The following PLD1 variants were observed in gnomAD, a reference collection of about 807,000 sequenced individuals.
PLD1 encodes the protein choline phosphatase 1.
PLD1 carries 112 observed loss-of-function variants against 137.1 expected under a neutral mutation model. That is an observed-to-expected ratio of 0.82 (90% CI 0.70 to 0.96). PLD1 has a LOEUF of 0.96. PLD1 is among the 40% of genes least tolerant of loss of function. The pLI is 0.00. For missense variants in PLD1, 1,321 were observed against 1,342.0 expected, an observed-to-expected ratio of 0.98 and a Z score of 0.24; for synonymous variants, 431 against 454.7, an observed-to-expected ratio of 0.95 and a Z score of 0.66.
intron 3 of PLD1, among the ~76,000 whole-genome samples, chr3:171,736,931 G>A (rs551391653): frequency 6.6e-6 from 1 of 152,338 alleles, no homozygotes; most frequent in African/African-American, 2.4e-5. Context: ...GATTGTTGAA[G>A]ACATTTTACT....
rs191988004 is a variant in PLD1 at position 171,699,842 on chromosome 3, C to T, written c.1146-16G>A. 104 of 1,600,220 alleles carry T rather than the reference C, an allele frequency of 6.5e-5. No homozygotes were observed. In the Admixed American group the frequency reaches 1.7e-3, roughly 27 times the overall value. On this transcript the variant is annotated splice_polypyrimidine_tract_variant and intron_variant, in intron 11 of 26. Coordinates refer to ENST00000351298, the MANE Select transcript of PLD1 (RefSeq NM_002662.5). ...TGGACTCAGCCTGAAACAATGAAAC[C>T]AAGATTTTAAGTAACTAAAACAAAA...
At chr3:171,739,174 A>C (rs1719594232) in intron 1 of PLD1, among the ~76,000 whole-genome samples, 1 of 152,196 alleles carries the variant, frequency 6.6e-6, no homozygotes, top group Admixed American at 6.5e-5. Flanking sequence ...AGGCTTCTTG[A>C]GAATGAAATT....
At chr3:171,757,503 A>G (rs1331262925) in intron 1 of PLD1, among the ~76,000 whole-genome samples, 1 of 152,192 alleles carries the variant, frequency 6.6e-6, no homozygotes, top group African/African-American at 2.4e-5. Context: ...TGGAAAAGAC[A>G]CGGGATGCAA....
intron 1 of PLD1, among the ~76,000 whole-genome samples, chr3:171,790,528 T>C (rs181476530): frequency 1.3e-5 from 2 of 152,318 alleles, no homozygotes; most frequent in African/African-American, 4.8e-5. Flanking sequence ...AGATTGTGAG[T>C]TAATTTTTCA....
intron 1 of PLD1, among the ~76,000 whole-genome samples, chr3:171,772,709 T>C (rs545064669): frequency 1.3e-5 from 2 of 152,282 alleles, no homozygotes; most frequent in African/African-American, 4.8e-5. Flanking sequence ...TGTTATTACT[T>C]TGATGTTGGA....
chr3:171,691,243 T>C (rs2108518508), intron 13 of PLD1, among the ~76,000 whole-genome samples: 1 of 152,314 alleles, frequency 6.6e-6, no homozygotes, highest in East Asian at 1.9e-4. Flanking sequence ...AGTTGGATCA[T>C]GGTTTCTTAA....
chr3:171,699,368 A>G (rs1716044329), intron 12 of PLD1, among the ~76,000 whole-genome samples: 1 of 152,256 alleles, frequency 6.6e-6, no homozygotes, highest in Admixed American at 6.5e-5. Flanking sequence ...ACCATTCTCC[A>G]GATGAGTTTT....
At chr3:171,782,680 G>A (rs1195428844) in intron 1 of PLD1, among the ~76,000 whole-genome samples, 1 of 152,150 alleles carries the variant, frequency 6.6e-6, no homozygotes, top group Non-Finnish European at 1.5e-5. Context: ...ACAAGATGTT[G>A]TTAGAAGAGA....
chr3:171,691,080 C>A lies in PLD1; in HGVS notation c.1338+1252G>T, dbSNP rs1715106365. ...AATGTCCTTCTTTGTCTCTTGTAAG[C>A]ATGTTTTGATTTAAAGTCTATTTTG... On this transcript the variant is annotated intron_variant, in intron 13 of 26. Coordinates refer to ENST00000351298, the MANE Select transcript of PLD1 (RefSeq NM_002662.5). 1.3e-5 allele frequency among the ~76,000 whole-genome samples: 2 copies of A among 152,034 alleles called. 1 individual carries two copies. Among genetic ancestry groups the A allele is most frequent in the Admixed American group, 1.3e-4 (2 of 15,260 alleles).
At chr3:171,663,513 A>G (rs1711743838) in intron 19 of PLD1, among the ~76,000 whole-genome samples, 1 of 152,216 alleles carries the variant, frequency 6.6e-6, no homozygotes, top group African/African-American at 2.4e-5. Flanking sequence ...TTAAGTGGTT[A>G]TAAGTGTTAT....
intron 23 of PLD1, among the ~76,000 whole-genome samples, chr3:171,624,121 A>C (rs1560154191): frequency 6.6e-6 from 1 of 152,170 alleles, no homozygotes; most frequent in Non-Finnish European, 1.5e-5. Context: ...AAGTATTTTC[A>C]GTACATGTCA....
At chr3:171,648,508 A>G (rs1736458591) in intron 21 of PLD1, among the ~76,000 whole-genome samples, 1 of 151,972 alleles carries the variant, frequency 6.6e-6, no homozygotes, top group African/African-American at 2.4e-5. Flanking sequence ...CATGATTTTT[A>G]TCATTTAACA....
chr3:171,621,960 A>G (rs1733677180), intron 23 of PLD1, among the ~76,000 whole-genome samples: 1 of 152,174 alleles, frequency 6.6e-6, no homozygotes, highest in African/African-American at 2.4e-5. Flanking sequence ...GGTCTTACAC[A>G]TTTTTGTTTC....
At chr3:171,616,634 G>A (rs935075514) in intron 24 of PLD1, among the ~76,000 whole-genome samples, 1 of 152,190 alleles carries the variant, frequency 6.6e-6, no homozygotes, top group African/African-American at 2.4e-5. Flanking sequence ...TTCAGAGATA[G>A]AATGTTGCTG....
At chr3:171,782,190 A>G (rs985595492) in intron 1 of PLD1, among the ~76,000 whole-genome samples, 1 of 152,214 alleles carries the variant, frequency 6.6e-6, no homozygotes. Context: ...CAAAAATAAC[A>G]TATTGTGGGA....
At chr3:171,681,948 A>G (rs1325306265) in intron 16 of PLD1, among the ~76,000 whole-genome samples, 1 of 152,136 alleles carries the variant, frequency 6.6e-6, no homozygotes, top group Admixed American at 6.6e-5. Flanking sequence ...GCTTAAAAGG[A>G]AAAGATCAGC....
At chr3:171,677,045 C>T (rs1181888148) in intron 17 of PLD1, among the ~76,000 whole-genome samples, 4 of 152,184 alleles carry the variant, frequency 2.6e-5, no homozygotes, top group East Asian at 1.9e-4. Flanking sequence ...CATATGTTTC[C>T]GTTTCACTTA....
chr3:171,700,054 C>CTCTCT (rs111452033), intron 11 of PLD1, among the ~76,000 whole-genome samples: 2 of 151,550 alleles, frequency 1.3e-5, no homozygotes, highest in African/African-American at 4.9e-5. Context: ...CTCTCTCTCT[C>CTCTCT]CCCCCTCTTT....
At chr3:171,662,742 G>A (rs1711640787) in intron 19 of PLD1, among the ~76,000 whole-genome samples, 1 of 152,194 alleles carries the variant, frequency 6.6e-6, no homozygotes, top group Non-Finnish European at 1.5e-5. Context: ...AGGTCATTTG[G>A]CATGTGATCT....
Sources: gnomAD v4.1 joint callset for allele counts (sites outside exome capture counted in the v4.1 genomes callset) on GRCh38, gnomAD v4.1.1 for gene constraint, MANE v1.5 for transcripts, NCBI Gene and HGNC (gene_info 2026-07-23, HGNC 2026-07-21) for gene names.